KIAA1328: variants seen among roughly 807,000 people sequenced by gnomAD.
The protein encoded by KIAA1328 is KIAA1328.
A neutral mutation model predicts 68.1 loss-of-function variants in KIAA1328; 52 were observed. The observed-to-expected ratio is 0.76, with a 90% CI of 0.61 to 0.96. The LOEUF is 0.96. Ranked by LOEUF, KIAA1328 falls within the 40% of genes least tolerant of loss-of-function variation. KIAA1328 has a pLI of 0.00. For synonymous variants in KIAA1328, 232 were observed against 239.4 expected (o/e 0.97, Z 0.28); for missense variants, 641 against 677.6 (o/e 0.95, Z 0.60).
Position 36,994,053 on chromosome 18 carries a change from G to A in KIAA1328, c.576+34618G>A, listed in dbSNP as rs139243118. Among the ~76,000 whole-genome samples the A allele has an allele frequency of 1.3e-3, 200 of 151,752 alleles. 1 individual carries two copies. Among genetic ancestry groups the A allele is most frequent in the African/African-American group, 4.4e-3 (183 of 41,374 alleles). ...TGTGAGAAACTGAGGAATATCAGTC[G>A]GTTGGACATCTAGGATAGACTTAGG... On this transcript the variant is annotated intron_variant, in intron 6 of 9. Coordinates refer to ENST00000280020, the MANE Select transcript of KIAA1328 (RefSeq NM_020776.3).
At chr18:36,890,481 G>A (rs1362432788) in intron 5 of KIAA1328, among the ~76,000 whole-genome samples, 3 of 152,084 alleles carry the variant, frequency 2.0e-5, no homozygotes, top group Admixed American at 2.0e-4. Context: ...GACCAGCCTG[G>A]CCAACATGGT....
intron 6 of KIAA1328, among the ~76,000 whole-genome samples, chr18:36,961,735 A>G (rs1298544916): frequency 6.6e-6 from 1 of 152,202 alleles, no homozygotes; most frequent in African/African-American, 2.4e-5. Context: ...AAGTGAAGGG[A>G]AATAAAATCC....
chr18:36,848,540 G>GATTT (rs1255836938), intron 4 of KIAA1328, among the ~76,000 whole-genome samples: 2 of 53,338 alleles, frequency 3.7e-5, no homozygotes, highest in African/African-American at 1.5e-4. Context: ...ATCTATAGAT[G>GATTT]CTTTTTTTTT....
At chr18:36,991,806 A>G (rs550395273) in intron 6 of KIAA1328, among the ~76,000 whole-genome samples, 1 of 152,274 alleles carries the variant, frequency 6.6e-6, no homozygotes, top group African/African-American at 2.4e-5. Context: ...TATCCAAAAA[A>G]GTAGCTAGAC....
At chr18:37,101,812 T>C (rs1047994615) in intron 7 of KIAA1328, among the ~76,000 whole-genome samples, 1 of 152,176 alleles carries the variant, frequency 6.6e-6, no homozygotes, top group African/African-American at 2.4e-5. Flanking sequence ...GACTAACAGC[T>C]GATCTCTGGG....
At chr18:36,858,819 G>A (rs1388559377) in intron 4 of KIAA1328, among the ~76,000 whole-genome samples, 1 of 152,178 alleles carries the variant, frequency 6.6e-6, no homozygotes, top group African/African-American at 2.4e-5. Flanking sequence ...TGCATCATCA[G>A]CATATGATAC....
chr18:36,894,257 C>T (rs1488295394), intron 5 of KIAA1328, among the ~76,000 whole-genome samples: 2 of 152,038 alleles, frequency 1.3e-5, no homozygotes, highest in Non-Finnish European at 2.9e-5. Flanking sequence ...GCTTTTTATC[C>T]AAAGATGGTT....
At chr18:37,003,128 T>G (rs2053651457) in intron 6 of KIAA1328, among the ~76,000 whole-genome samples, 2 of 152,134 alleles carry the variant, frequency 1.3e-5, no homozygotes, top group South Asian at 4.1e-4. Context: ...CTGGGAAAAT[T>G]GTATTACTGC....
chr18:37,228,665 TA>T (rs1387470404), downstream of KIAA1328, among the ~76,000 whole-genome samples: 1 of 151,642 alleles, frequency 6.6e-6, no homozygotes, highest in Non-Finnish European at 1.5e-5. Context: ...CTAAAAAATA[TA>T]AAAATCAGCT....
At chr18:36,884,516 T>C (rs2048432371) in intron 4 of KIAA1328, among the ~76,000 whole-genome samples, 1 of 152,202 alleles carries the variant, frequency 6.6e-6, no homozygotes, top group African/African-American at 2.4e-5. Flanking sequence ...TTTTCAGTTA[T>C]CCTGTTGATT....
At chr18:37,001,747 C>T (rs2053592598) in intron 6 of KIAA1328, among the ~76,000 whole-genome samples, 1 of 152,072 alleles carries the variant, frequency 6.6e-6, no homozygotes, top group Admixed American at 6.5e-5. Flanking sequence ...CAATGAAGGA[C>T]AAAAAGTATA....
At chr18:36,998,253 C>G (rs1412087362) in intron 6 of KIAA1328, among the ~76,000 whole-genome samples, 1 of 152,148 alleles carries the variant, frequency 6.6e-6, no homozygotes, top group African/African-American at 2.4e-5. Flanking sequence ...GCCTAAACTT[C>G]CAGCGGTTAC....
intron 7 of KIAA1328, among the ~76,000 whole-genome samples, chr18:37,131,622 T>G (rs1461099621): frequency 6.6e-6 from 1 of 152,136 alleles, no homozygotes; most frequent in Non-Finnish European, 1.5e-5. Context: ...CAGAAGCCTT[T>G]TTGCACAACA....
intron 5 of KIAA1328, among the ~76,000 whole-genome samples, chr18:36,941,161 G>A (rs1215464377): frequency 2.0e-5 from 3 of 152,122 alleles, no homozygotes; most frequent in African/African-American, 7.2e-5. Flanking sequence ...AGTTTGAATA[G>A]CAAAAGGGAC....
chr18:37,222,182 A>G lies in KIAA1328; in HGVS notation c.1689A>G (p.Glu563=). The G allele has an allele frequency of 6.3e-7, 1 of 1,598,792 alleles. No homozygotes were observed. Among genetic ancestry groups the G allele is most frequent in the Non-Finnish European group, 8.5e-7 (1 of 1,172,178 alleles). The change falls in exon 10 of 10, where the codon GAA becomes GAG. Residue 563 remains glutamate (E), a synonymous_variant. Coordinates refer to ENST00000280020, the MANE Select transcript of KIAA1328 (RefSeq NM_020776.3). ...RKKMGMHRTP[E]ELEENQILED... Reference sequence around the variant, plus strand: ...AGATGGGGATGCACAGAACCCCTGAAGAGTTGGAGGAGAATCAGATTCTGG... The same window carrying G: ...AGATGGGGATGCACAGAACCCCTGAGGAGTTGGAGGAGAATCAGATTCTGG...
rs552197176 is a variant in KIAA1328, at chr18:36,877,020, A to G, written c.333-8537A>G. On this transcript the variant is annotated intron_variant, in intron 4 of 9. Transcript: ENST00000280020. ...TTTCTTAATCCTGAGTTCTAATTTG[A>G]TTGCACTGTGGTCTGTGAGACTGTT... 7.9e-5 allele frequency among the ~76,000 whole-genome samples: 12 copies of G among 152,204 alleles called. No homozygotes were observed. The South Asian group carries it at 1.7e-3, about 21-fold the overall frequency.
chr18:37,083,104 T>C (rs1280945259), intron 7 of KIAA1328, among the ~76,000 whole-genome samples: 1 of 152,172 alleles, frequency 6.6e-6, no homozygotes. Context: ...ATAGTATATA[T>C]AAAATGTACT....
At chr18:36,914,684 C>T (rs7234039) in intron 5 of KIAA1328, among the ~76,000 whole-genome samples, 90,615 of 151,896 alleles carry the variant, frequency 0.6, 28,863 homozygotes, top group East Asian at 0.87. Flanking sequence ...CATGCCACTG[C>T]ACTCCAGCCT....
At chr18:37,144,064 A>C (rs1182751930) in intron 7 of KIAA1328, among the ~76,000 whole-genome samples, 1 of 152,152 alleles carries the variant, frequency 6.6e-6, no homozygotes, top group Non-Finnish European at 1.5e-5. Flanking sequence ...TCTTTGTGGG[A>C]ACATCTTTGA....
Sources: allele counts gnomAD v4.1 joint callset (sites outside exome capture counted in the v4.1 genomes callset), GRCh38; gene constraint gnomAD v4.1.1; transcripts MANE v1.5; gene names NCBI Gene and HGNC (gene_info 2026-07-23, HGNC 2026-07-21).